The following NLGN1 variants were observed in gnomAD, a reference collection of about 807,000 sequenced individuals.
NLGN1 encodes the protein neuroligin-1.
NLGN1 carries 12 observed loss-of-function variants against 65.5 expected under a neutral mutation model. The observed-to-expected ratio is 0.18, with a 90% CI of 0.12 to 0.30. The LOEUF (loss-of-function observed/expected upper bound fraction) is 0.30, where lower values mean the gene tolerates loss of function less well. Ranked by LOEUF, NLGN1 falls within the 10% of genes least tolerant of loss-of-function variation. The probability of loss-of-function intolerance (pLI) is 1.00; values close to 1 mark genes in which losing one functional copy is unlikely to be tolerated. For synonymous variants in NLGN1, 350 were observed against 359.5 expected (o/e 0.97, Z 0.30); for missense variants, 750 against 1,007.1 (o/e 0.74, Z 3.46).
chr3:173,551,852 G>A (rs1740923026), intron 2 of NLGN1, among the ~76,000 whole-genome samples: 1 of 152,136 alleles, frequency 6.6e-6, no homozygotes, highest in African/African-American at 2.4e-5. Flanking sequence ...TCAGAATTCT[G>A]TAAGCCTGGC....
intron 1 of NLGN1, among the ~76,000 whole-genome samples, chr3:173,426,754 C>T (rs78646290): frequency 0.029 from 4,362 of 152,054 alleles, 203 homozygotes; most frequent in African/African-American, 0.1. Context: ...ATTTCTGCAT[C>T]TGTGTTCATC....
At chr3:173,419,846 G>A (rs909559552) in intron 1 of NLGN1, among the ~76,000 whole-genome samples, 4 of 151,904 alleles carry the variant, frequency 2.6e-5, no homozygotes, top group Non-Finnish European at 5.9e-5. Context: ...GGTAGTGTGT[G>A]CCTGTAGTCC....
chr3:174,120,346 A>C (rs1341010938), intron 4 of NLGN1, among the ~76,000 whole-genome samples: 1 of 147,304 alleles, frequency 6.8e-6, no homozygotes, highest in Non-Finnish European at 1.5e-5. Flanking sequence ...ACTATAAATA[A>C]AAAAAAAAAA....
intron 3 of NLGN1, among the ~76,000 whole-genome samples, chr3:173,684,230 T>G (rs970197440): frequency 6.6e-6 from 1 of 152,312 alleles, no homozygotes; most frequent in East Asian, 1.9e-4. Context: ...TAGAACCCTT[T>G]TTTTAAATTC....
At chr3:174,037,960 A>C (rs965496834) in intron 4 of NLGN1, among the ~76,000 whole-genome samples, 2 of 151,980 alleles carry the variant, frequency 1.3e-5, no homozygotes, top group Non-Finnish European at 2.9e-5. Context: ...AAGGGCAGAG[A>C]TGGTCCTGAT....
chr3:174,215,161 C>T (rs1737368092), intron 4 of NLGN1, among the ~76,000 whole-genome samples: 1 of 152,106 alleles, frequency 6.6e-6, no homozygotes, highest in African/African-American at 2.4e-5. Context: ...AGTTTCAGAT[C>T]ATCACCTCTG....
At chr3:173,418,284 A>AT (rs890025847) in intron 1 of NLGN1, among the ~76,000 whole-genome samples, 11 of 150,624 alleles carry the variant, frequency 7.3e-5, no homozygotes, top group Middle Eastern at 3.5e-3. Context: ...TATTGCTTGA[A>AT]TTTTTTTTTG....
chr3:174,251,278 A>G (rs1175070525), intron 4 of NLGN1, among the ~76,000 whole-genome samples: 2 of 152,328 alleles, frequency 1.3e-5, no homozygotes, highest in South Asian at 4.1e-4. Context: ...AAATGGTTGG[A>G]TAGCCTTCCT....
At chr3:174,043,242 A>G (rs1732758861) in intron 4 of NLGN1, among the ~76,000 whole-genome samples, 1 of 152,158 alleles carries the variant, frequency 6.6e-6, no homozygotes, top group South Asian at 2.1e-4. Flanking sequence ...GCCAAACCAT[A>G]TCATTCAGCC....
intron 3 of NLGN1, among the ~76,000 whole-genome samples, chr3:173,692,034 A>G (rs952431799): frequency 5.3e-5 from 8 of 152,108 alleles, no homozygotes; most frequent in African/African-American, 1.9e-4. Flanking sequence ...TGTGGATTTA[A>G]TAGGTCAGAA....
At chr3:173,847,082 T>G (rs1725932243) in intron 4 of NLGN1, among the ~76,000 whole-genome samples, 1 of 152,122 alleles carries the variant, frequency 6.6e-6, no homozygotes. Flanking sequence ...TAGTCCAAGG[T>G]GGTTGTCTTG....
At chr3:173,401,235 C>T (rs765680768) in intron 1 of NLGN1, among the ~76,000 whole-genome samples, 110 of 151,786 alleles carry the variant, frequency 7.2e-4, no homozygotes, top group Non-Finnish European at 3.8e-4. Flanking sequence ...CCCACCCCCA[C>T]CTCATCATGA....
chr3:173,453,517 A>G (rs1036801188), intron 2 of NLGN1, among the ~76,000 whole-genome samples: 18 of 152,148 alleles, frequency 1.2e-4, no homozygotes, highest in African/African-American at 2.9e-4. Flanking sequence ...TCAAAATTGG[A>G]ATCAATCCTC....
At chr3:173,816,669 C>G (rs1275598043) in intron 4 of NLGN1, among the ~76,000 whole-genome samples, 1 of 152,194 alleles carries the variant, frequency 6.6e-6, no homozygotes, top group East Asian at 1.9e-4. Flanking sequence ...ATGAAGTGGT[C>G]CTGGCCTGCA....
At chr3:173,435,088 C>T (rs1018947580) in intron 2 of NLGN1, 7 of 152,598 alleles carry the variant, frequency 4.6e-5, no homozygotes, top group African/African-American at 7.2e-5. Context: ...AGTAAGTTCT[C>T]GCAGTTTGAT....
chr3:173,866,220 G>GTAAT (rs1287741637), intron 4 of NLGN1, among the ~76,000 whole-genome samples: 5 of 152,160 alleles, frequency 3.3e-5, no homozygotes, highest in Admixed American at 1.3e-4. Context: ...GTTAGGAGCA[G>GTAAT]GCATTTGAAA....
rs66827074 is a variant in NLGN1 at position 173,584,399 on chromosome 3, A to ATTTTTTT, written c.-320-19853_-320-19847dup. 9.7e-4 allele frequency among the ~76,000 whole-genome samples: 30 copies of ATTTTTTT among 30,822 alleles called. 6 individuals are homozygous for ATTTTTTT. The highest frequency in any genetic ancestry group is 4.1e-3 in the East Asian group (3 of 728). 20.2% of individuals were successfully genotyped at this position (30,822 alleles called of 152,430 possible). ...TTAGGGTAAAACCAGGGTCCTCGGC[A>ATTTTTTT]TTTTTTTTTTTTTTTTTTTTTTTTT... On this transcript the variant is annotated intron_variant, in intron 2 of 6. Coordinates refer to ENST00000457714, the Ensembl canonical transcript of NLGN1.
chr3:173,672,911 T>G (rs1480571533), intron 3 of NLGN1, among the ~76,000 whole-genome samples: 2 of 152,168 alleles, frequency 1.3e-5, no homozygotes, highest in Admixed American at 1.3e-4. Flanking sequence ...GATAGACCTT[T>G]AAGGAGTCAC....
At chr3:173,878,861 T>C (rs1386368861) in intron 4 of NLGN1, among the ~76,000 whole-genome samples, 2 of 152,118 alleles carry the variant, frequency 1.3e-5, no homozygotes, top group Non-Finnish European at 2.9e-5. Context: ...TCAAGAGTTA[T>C]GTGGATATTT....
Sources: allele counts gnomAD v4.1 joint callset (sites outside exome capture counted in the v4.1 genomes callset), GRCh38; gene constraint gnomAD v4.1.1; transcripts MANE v1.5; gene names NCBI Gene and HGNC (gene_info 2026-07-23, HGNC 2026-07-21).